Variants in PSD4 observed in about 807,000 individuals in gnomAD.
PSD4 encodes the protein PH and SEC7 domain-containing protein 4.
A neutral mutation model predicts 112.5 loss-of-function variants in PSD4; 59 were observed. The observed-to-expected ratio is 0.52, with a 90% CI of 0.43 to 0.65. The LOEUF is 0.65. PSD4 is among the 30% of genes least tolerant of loss of function. The pLI is 0.00. For missense variants in PSD4, 1,267 were observed against 1,352.6 expected, an observed-to-expected ratio of 0.94 and a Z score of 0.99; for synonymous variants, 533 against 540.0, an observed-to-expected ratio of 0.99 and a Z score of 0.18.
chr2:113,184,553 TAG>T (rs1688237944), intron 2 of PSD4, among the ~76,000 whole-genome samples: 1 of 151,994 alleles, frequency 6.6e-6, no homozygotes, highest in African/African-American at 2.4e-5. Context: ...TTTGTATTTT[TAG>T]TAGAGATAGG....
intron 1 of PSD4, among the ~76,000 whole-genome samples, chr2:113,178,583 G>A (rs45512693): frequency 6.6e-6 from 1 of 151,992 alleles, no homozygotes; most frequent in Non-Finnish European, 1.5e-5. Flanking sequence ...TGTGCAAAGA[G>A]AGACAAGTGG....
rs1050232970 is a variant in PSD4, at chr2:113,186,315, T to C, written c.1628+60T>C. 1.3e-5 allele frequency: 19 copies of C among 1,424,772 alleles called. 1 individual carries two copies. The Admixed American group carries it at 1.5e-4, about 12-fold the overall frequency. 88.3% of individuals were successfully genotyped at this position (1,424,772 alleles called of 1,614,324 possible). A position where few individuals can be genotyped will look rare whatever the true frequency, so the allele number is the denominator to read the frequency against. ...ATTATGGATGCATTTAAGAATATTC[T>C]AGTCTGGATGGAGGGTGAGAAATGC... is the stretch of plus-strand genomic sequence containing the variant. On this transcript the variant is annotated intron_variant, in intron 5 of 16. Transcript: ENST00000245796.
intron 1 of PSD4, chr2:113,175,216 T>G (rs1687938711): frequency 6.6e-6 from 1 of 152,666 alleles, no homozygotes; most frequent in Non-Finnish European, 1.5e-5. Flanking sequence ...CTGGGTCCCC[T>G]TTGTCATTCT....
rs567629802 is a variant in PSD4, at chr2:113,206,435, A to C, written c.*5020A>C. On this transcript the variant is annotated 3_prime_UTR_variant, in exon 17 of 17. Transcript: ENST00000245796. ...CTTCTTCCGCCATCACCTCTCAGCG[A>C]CCTTTGGCCTTGATAGCTATGTGAT... The C allele has an allele frequency of 6.6e-6, 1 of 152,188 alleles. No homozygotes were observed. The highest frequency in any genetic ancestry group is 2.4e-5 in the African/African-American group (1 of 41,410). 9.4% of individuals were successfully genotyped at this position (152,188 alleles called of 1,614,324 possible). A position where few individuals can be genotyped will look rare whatever the true frequency, so the allele number is the denominator to read the frequency against.
chr2:113,199,017 G>T, intron 15 of PSD4, 66 bp from the exon 16 acceptor site: 3 of 1,508,862 alleles, frequency 2.0e-6, no homozygotes, highest in South Asian at 1.2e-5. Context: ...GGGGCGGCGC[G>T]CCCGGGCCCG....
At position 113,185,048 on chromosome 2, in the gene PSD4, C is replaced by G. The variant is rs1276516445; in HGVS notation, c.1148C>G (p.Pro383Arg). The change falls in exon 3 of 17, where the codon CCT (proline) becomes CGT (arginine). Residue 383 changes from proline to arginine, a missense_variant. By Grantham distance (103) the Pro-to-Arg change is moderately radical. Transcript: ENST00000245796. ...GGATGTGTCGGATCTGATCTTGGCCCTGCTGCACATCCTGTGCAACCTTGG... is the reference window on the plus strand; with the variant it reads ...GGATGTGTCGGATCTGATCTTGGCCGTGCTGCACATCCTGTGCAACCTTGG... ...ESGCVGSDLG[P>R]AAHPVQPWAS... 2 of 1,614,256 alleles carry G rather than the reference C, an allele frequency of 1.2e-6. No homozygotes were observed. Among genetic ancestry groups the G allele is most frequent in the Admixed American group, 3.3e-5 (2 of 60,030 alleles).
chr2:113,193,012 C>G (rs760992854), intron 6 of PSD4, 36 bp from the exon 7 acceptor site: 10 of 1,596,534 alleles, frequency 6.3e-6, no homozygotes, highest in South Asian at 1.1e-5. Context: ...AGCCCAGGCC[C>G]CTGGTGCAGA....
intron 3 of PSD4, 114 bp downstream of exon 3, chr2:113,185,187 T>C (rs1688260000): frequency 4.5e-6 from 7 of 1,570,552 alleles, no homozygotes; most frequent in Non-Finnish European, 6.1e-6. Context: ...GCTTCTCACA[T>C]CAGGACTCCC....
In PSD4 at chr2:113,192,518, G is replaced by T; in HGVS notation, c.1767G>T (p.Trp589Cys). ...GCGTCAGGAACAACAAGGTAGCCTGGAACTTGGCCTCACGCCTCTATCGCC... is the reference window on the plus strand; with the variant it reads ...GCGTCAGGAACAACAAGGTAGCCTGTAACTTGGCCTCACGCCTCTATCGCC... ...ANGVRNNKVA[W>C]NLASRLYRLE... Residue 589 changes from tryptophan (W) to cysteine (C), a missense_variant, in exon 6 of 17, where the codon TGG (tryptophan) becomes TGT (cysteine). Coordinates refer to ENST00000245796, the MANE Select transcript of PSD4 (RefSeq NM_012455.3). 1 of 1,614,224 alleles carries T rather than the reference G, an allele frequency of 6.2e-7. No individual in the cohort carries two copies. Among genetic ancestry groups the T allele is most frequent in the Non-Finnish European group, 8.5e-7 (1 of 1,180,044 alleles).
chr2:113,201,236 G>A lies in PSD4; in HGVS notation c.2992G>A (p.Glu998Lys), dbSNP rs1332837062. 1 of 1,614,198 alleles carries A rather than the reference G, an allele frequency of 6.2e-7. No homozygotes were observed. Among genetic ancestry groups the A allele is most frequent in the South Asian group, 1.1e-5 (1 of 91,080 alleles). Residue 998 changes from glutamate (E) to lysine (K), a missense_variant, in exon 17 of 17, where the codon GAG (glutamate) becomes AAG (lysine). Physicochemically the swap from Glu to Lys is moderately conservative, Grantham distance 56. Around this residue, in one of 2 missense-constraint regions of PSD4, gnomAD observed 544 missense variants for 648.6 expected, o/e 0.84. Transcript: ENST00000245796. ...CTCTGATGCTCTGGACCTGTGGGAG[G>A]AGCAGCTGGGGAGGGAAGCTGGAGG... ...CPSDALDLWE[E>K]QLGREAGGTR... is the part of the protein sequence containing the mutation.
chr2:113,178,234 CCAGT>C (rs1456730637), intron 1 of PSD4, among the ~76,000 whole-genome samples: 5 of 151,904 alleles, frequency 3.3e-5, no homozygotes, highest in South Asian at 2.1e-4. Context: ...AATGTCGCAG[CCAGT>C]CAAACTACAT....
intron 1 of PSD4, chr2:113,175,366 T>G (rs1263061292): frequency 6.6e-6 from 1 of 152,142 alleles, no homozygotes; most frequent in East Asian, 1.9e-4. Flanking sequence ...TCTCTCTGTG[T>G]GTGTGTGTGT....
In PSD4 at chr2:113,182,663, T is replaced by C; in HGVS notation, c.207T>C (p.Gly69=). 2 of 1,613,590 alleles carry C rather than the reference T, an allele frequency of 1.2e-6. No homozygotes were observed. Among genetic ancestry groups the C allele is most frequent in the Non-Finnish European group, 1.7e-6 (2 of 1,179,770 alleles). The part of the protein sequence containing the change: ...TRQNVPPWGS[G]VELTHLGSWV... ...AAAATGTTCCTCCCTGGGGCTCCGG[T>C]GTGGAGCTCACACACCTGGGGAGCT... Residue 69 remains glycine (G), a synonymous_variant, in exon 2 of 17, where the codon GGT becomes GGC. Transcript: ENST00000245796.
chr2:113,192,837 C>A (rs1217205125), intron 6 of PSD4, among the ~76,000 whole-genome samples: 2 of 152,212 alleles, frequency 1.3e-5, no homozygotes, highest in Non-Finnish European at 2.9e-5. Context: ...AGGTCTCTCC[C>A]AGTGTCTCCC....
intron 5 of PSD4, 133 bp from the exon 6 acceptor site, chr2:113,192,247 G>A: frequency 2.4e-6 from 2 of 849,272 alleles, no homozygotes; most frequent in East Asian, 2.4e-5. Context: ...CTGTGACTCT[G>A]TCTCTTCCCT....
chr2:113,192,390 A>G lies in PSD4; in HGVS notation c.1639A>G (p.Arg547Gly). Residue 547 changes from arginine (R) to glycine (G), a missense_variant, in exon 6 of 17, where the codon AGG (arginine) becomes GGG (glycine). Arg to Gly is a moderately radical substitution (Grantham distance 125). Coordinates refer to ENST00000245796, the MANE Select transcript of PSD4 (RefSeq NM_012455.3). ...HLTSAEHENL[R>G]TPMNSSWLPG... is the part of the protein sequence containing the mutation. ...CATGTCTATCTCAAGTGAGAATCTGAGGACACCGATGAACTCTTCTTGGCT... is the reference window on the plus strand; with the variant it reads ...CATGTCTATCTCAAGTGAGAATCTGGGGACACCGATGAACTCTTCTTGGCT... 2 of 1,614,120 alleles carry G rather than the reference A, an allele frequency of 1.2e-6. No homozygotes were observed. The highest frequency in any genetic ancestry group is 1.7e-6 in the Non-Finnish European group (2 of 1,179,974).
At chr2:113,185,804 C>A in intron 4 of PSD4, 73 bp from the exon 5 acceptor site, 2 of 1,557,082 alleles carry the variant, frequency 1.3e-6, no homozygotes, top group Non-Finnish European at 1.7e-6. Context: ...AGGGAGGGAG[C>A]CTCTGGAGGT....
At chr2:113,188,642 G>A (rs555846180) in intron 5 of PSD4, among the ~76,000 whole-genome samples, 4 of 152,066 alleles carry the variant, frequency 2.6e-5, no homozygotes, top group Non-Finnish European at 4.4e-5. Context: ...ATGCACTGGC[G>A]TGATCTCGGC....
At chr2:113,193,720 A>C in intron 9 of PSD4, 70 bp downstream of exon 9, 1 of 1,570,942 alleles carries the variant, frequency 6.4e-7, no homozygotes, top group Non-Finnish European at 8.8e-7. Flanking sequence ...AGAAGACCAG[A>C]GGCCTGAGAC....
Sources: gnomAD v4.1 joint callset for allele counts (sites outside exome capture counted in the v4.1 genomes callset) on GRCh38, gnomAD v4.1.1 for gene constraint, gnomAD v4.1.1 regional missense constraint, MANE v1.5 for transcripts, NCBI Gene and HGNC (gene_info 2026-07-23, HGNC 2026-07-21) for gene names.